The following RPGRIP1 variants were observed in gnomAD, a reference collection of about 807,000 sequenced individuals.
RPGRIP1 encodes the protein X-linked retinitis pigmentosa GTPase regulator-interacting protein 1.
A neutral mutation model predicts 157.9 loss-of-function variants in RPGRIP1; 128 were observed. The observed-to-expected ratio is 0.81, with a 90% CI of 0.70 to 0.94. RPGRIP1 has a LOEUF of 0.94. RPGRIP1 is among the 40% of genes least tolerant of loss of function. The probability of loss-of-function intolerance (pLI) is 0.00; values close to 1 mark genes in which losing one functional copy is unlikely to be tolerated. For synonymous variants in RPGRIP1, 554 were observed against 571.6 expected (o/e 0.97, Z 0.44); for missense variants, 1,486 against 1,545.8 (o/e 0.96, Z 0.65).
intron 10 of RPGRIP1, among the ~76,000 whole-genome samples, chr14:21,314,542 A>T (rs1462941135): frequency 6.6e-6 from 1 of 150,780 alleles, no homozygotes; most frequent in African/African-American, 2.4e-5. Context: ...GCTGGAGCTC[A>T]GGAGTTCACG....
chr14:21,327,556 G>A (rs765983110), intron 17 of RPGRIP1, 67 bp from the exon 18 acceptor site: 117 of 1,297,394 alleles, frequency 9.0e-5, no homozygotes, highest in Admixed American at 3.6e-4. Context: ...AGTAGATAAG[G>A]TGCTGACAAA....
In RPGRIP1 at chr14:21,286,870, A is replaced by T. The variant is rs545152524; in HGVS notation, c.-38-1069A>T. On this transcript the variant is annotated intron_variant, in intron 1 of 24. Coordinates refer to ENST00000400017, the MANE Select transcript of RPGRIP1 (RefSeq NM_020366.4). ...ATATACATACATAGTATTTAAAGTCAGGAGACTGGGCCTGGCACGGTGGCT... is the reference window on the plus strand; with the variant it reads ...ATATACATACATAGTATTTAAAGTCTGGAGACTGGGCCTGGCACGGTGGCT... Among the ~76,000 whole-genome samples, 349 of 152,206 alleles carry T rather than the reference A, an allele frequency of 2.3e-3. 1 individual carries two copies. Among genetic ancestry groups the T allele is most frequent in the African/African-American group, 8.2e-3 (341 of 41,544 alleles).
At chr14:21,335,989 T>C (rs1051315977) in intron 21 of RPGRIP1, among the ~76,000 whole-genome samples, 6 of 152,182 alleles carry the variant, frequency 3.9e-5, no homozygotes, top group Admixed American at 6.5e-5. Flanking sequence ...TCAGAGTGAA[T>C]TGATGATTAT....
intron 20 of RPGRIP1, 50 bp from the exon 21 acceptor site, chr14:21,334,555 G>A (rs1474081250): frequency 3.9e-6 from 5 of 1,298,128 alleles, no homozygotes; most frequent in Middle Eastern, 3.6e-4. Flanking sequence ...TCTTTTCTTG[G>A]GCTAAAGTGC....
intron 20 of RPGRIP1, 145 bp downstream of exon 20, chr14:21,330,532 G>GGT: frequency 2.0e-6 from 1 of 512,602 alleles, no homozygotes; most frequent in Non-Finnish European, 3.1e-6. Context: ...CGGGTATGGT[G>GGT]GCAGGCGCCT....
chr14:21,335,984 G>C (rs1232436952), intron 21 of RPGRIP1, among the ~76,000 whole-genome samples: 2 of 152,218 alleles, frequency 1.3e-5, no homozygotes, highest in East Asian at 3.8e-4. Flanking sequence ...TAGATTCAGA[G>C]TGAATTGATG....
Position 21,294,559 on chromosome 14 carries a change from C to T in RPGRIP1, c.86-118C>T, listed in dbSNP as rs1248462271. 4 of 1,036,648 alleles carry T rather than the reference C, an allele frequency of 3.9e-6. No homozygotes were observed. In the South Asian group the frequency reaches 4.9e-5, roughly 13 times the overall value. The allele number at this position is 1,036,648 out of a possible 1,614,324, so 64.2% of individuals were successfully genotyped here. Reference sequence around the variant, plus strand: ...CATTTCTCATACTTCCTGATTTCCTCATAAATACTTGACTCAAGATAGATT... The same window carrying T: ...CATTTCTCATACTTCCTGATTTCCTTATAAATACTTGACTCAAGATAGATT... On this transcript the variant is annotated intron_variant, in intron 2 of 24. Transcript: ENST00000400017.
chr14:21,289,346 A>G (rs1880428166), intron 2 of RPGRIP1, among the ~76,000 whole-genome samples: 1 of 151,574 alleles, frequency 6.6e-6, no homozygotes, highest in Non-Finnish European at 1.5e-5. Flanking sequence ...CCCCCAAAAA[A>G]CCATATTTTT....
chr14:21,293,584 A>G (rs1594374271), intron 2 of RPGRIP1, among the ~76,000 whole-genome samples: 1 of 152,148 alleles, frequency 6.6e-6, no homozygotes, highest in East Asian at 1.9e-4. Context: ...CTCTACTAAA[A>G]ATACAAAAAT....
At chr14:21,328,704 C>A (rs1883380138) in intron 19 of RPGRIP1, 77 bp downstream of exon 19, 1 of 976,126 alleles carries the variant, frequency 1.0e-6, no homozygotes, top group South Asian at 1.5e-5. Flanking sequence ...GAGGTAGAAG[C>A]AGAAGCAGAA....
intron 2 of RPGRIP1, among the ~76,000 whole-genome samples, chr14:21,290,578 G>A (rs1310842537): frequency 1.3e-5 from 2 of 151,992 alleles, no homozygotes; most frequent in South Asian, 2.1e-4. Context: ...TTGGGAGGCC[G>A]AGGCGGGTGG....
chr14:21,330,062 G>A (rs1291118407), intron 19 of RPGRIP1, among the ~76,000 whole-genome samples, 187 bp from the exon 20 acceptor site: 3 of 151,554 alleles, frequency 2.0e-5, no homozygotes, highest in South Asian at 4.2e-4. Context: ...AGGTTGCAGT[G>A]AGCCGAGATG....
In RPGRIP1 at chr14:21,280,091, GAGT is replaced by G. The variant is rs1174447994; in HGVS notation, c.-105_-103del. ...AGAAGGACAAGCTTATTGGAACCTA[GAGT>G]ACTAAAGGACACCAGAACATTGAGA... On this transcript the variant is annotated 5_prime_UTR_variant, in exon 1 of 25. Transcript: ENST00000400017. 1.3e-5 allele frequency among the ~76,000 whole-genome samples: 2 copies of G among 152,128 alleles called. No homozygotes were observed. The highest frequency in any genetic ancestry group is 2.9e-5 in the Non-Finnish European group (2 of 68,020).
At chr14:21,294,438 C>A (rs567807280) in intron 2 of RPGRIP1, among the ~76,000 whole-genome samples, 1 of 152,084 alleles carries the variant, frequency 6.6e-6, no homozygotes, top group Non-Finnish European at 1.5e-5. Context: ...CCATGTTGGT[C>A]AGGCTGGACT....
chr14:21,304,758 C>A (rs947915908), intron 6 of RPGRIP1, among the ~76,000 whole-genome samples: 1 of 151,992 alleles, frequency 6.6e-6, no homozygotes, highest in African/African-American at 2.4e-5. Flanking sequence ...TATCACCTGA[C>A]CATCATTTAA....
At chr14:21,292,182 G>A (rs534909013) in intron 2 of RPGRIP1, among the ~76,000 whole-genome samples, 24 of 152,250 alleles carry the variant, frequency 1.6e-4, no homozygotes, top group East Asian at 9.6e-4. Flanking sequence ...ATGAGCCACC[G>A]CGTCTGGCCT....
intron 19 of RPGRIP1, 125 bp from the exon 20 acceptor site, chr14:21,330,124 A>C: frequency 1.9e-6 from 1 of 533,410 alleles, no homozygotes; most frequent in Non-Finnish European, 2.8e-6. Flanking sequence ...TCTCAAAAAA[A>C]TAATAATAAT....
chr14:21,325,456 C>T lies in RPGRIP1; in HGVS notation c.2367+73C>T, dbSNP rs963159139. On this transcript the variant is annotated intron_variant, in intron 16 of 24. Coordinates refer to ENST00000400017, the MANE Select transcript of RPGRIP1 (RefSeq NM_020366.4). ...CAGCTCATGAGCACAGTTCAGTCTT[C>T]CACTCTCAATAAGTGTTTGTTGAAT... The T allele has an allele frequency of 6.6e-6, 9 of 1,368,690 alleles. No individual in the cohort carries two copies. The African/African-American group carries it at 1.2e-4, about 18-fold the overall frequency. The allele number at this position is 1,368,690 out of a possible 1,614,324, so 84.8% of individuals were successfully genotyped here. A position where few individuals can be genotyped will look rare whatever the true frequency, so the allele number is the denominator to read the frequency against.
intron 18 of RPGRIP1, among the ~76,000 whole-genome samples, 154 bp downstream of exon 18, chr14:21,327,961 G>A (rs977668720): frequency 6.6e-6 from 1 of 152,142 alleles, no homozygotes; most frequent in African/African-American, 2.4e-5. Flanking sequence ...CTGAGGTCAG[G>A]AGTTCAAGAC....
Sources: gnomAD v4.1 joint callset for allele counts (sites outside exome capture counted in the v4.1 genomes callset) on GRCh38, gnomAD v4.1.1 for gene constraint, MANE v1.5 for transcripts, NCBI Gene and HGNC (gene_info 2026-07-23, HGNC 2026-07-21) for gene names.